The following PAPPA2 variants were observed in gnomAD, a reference collection of about 807,000 sequenced individuals.
PAPPA2 encodes pappalysin 2, also known as pappalysin-2.
Under a neutral mutation model 176.4 loss-of-function variants are expected in PAPPA2, and 86 were observed. The ratio of observed to expected loss-of-function variants is 0.49; its 90% confidence interval spans 0.41 to 0.58. The LOEUF is 0.58. Ranked by LOEUF, PAPPA2 falls within the 20% of genes least tolerant of loss-of-function variation. The pLI is 0.00. For synonymous variants in PAPPA2, 809 were observed against 852.2 expected, an observed-to-expected ratio of 0.95 and a Z score of 0.88; for missense variants, 2,073 against 2,256.9, an observed-to-expected ratio of 0.92 and a Z score of 1.65.
chr1:176,704,956 A>T (rs1660815546), intron 9 of PAPPA2, among the ~76,000 whole-genome samples: 1 of 152,156 alleles, frequency 6.6e-6, no homozygotes, highest in Admixed American at 6.5e-5. Flanking sequence ...CTTTCATTAC[A>T]GTTCTGTTGG....
At chr1:176,759,025 C>A (rs760120686) in intron 14 of PAPPA2, among the ~76,000 whole-genome samples, 1 of 152,216 alleles carries the variant, frequency 6.6e-6, no homozygotes, top group Non-Finnish European at 1.5e-5. Flanking sequence ...AAGACCAGAA[C>A]CCAAGTCATG....
At chr1:176,686,186 A>C (rs1390759113) in intron 4 of PAPPA2, among the ~76,000 whole-genome samples, 1 of 152,160 alleles carries the variant, frequency 6.6e-6, no homozygotes, top group Non-Finnish European at 1.5e-5. Flanking sequence ...GCTTTGAAGA[A>C]ATACCTGAGG....
chr1:176,494,592 G>A (rs757264102), intron 1 of PAPPA2, among the ~76,000 whole-genome samples: 32 of 152,120 alleles, frequency 2.1e-4, no homozygotes, highest in Non-Finnish European at 4.0e-4. Context: ...TCTTACTGAC[G>A]TCAATGCAAG....
At chr1:176,727,685 A>G (rs1571235531) in intron 12 of PAPPA2, among the ~76,000 whole-genome samples, 1 of 152,052 alleles carries the variant, frequency 6.6e-6, no homozygotes, top group East Asian at 1.9e-4. Context: ...CAGATATATA[A>G]GATTTGAAGA....
At chr1:176,747,159 C>T (rs540619464) in intron 14 of PAPPA2, among the ~76,000 whole-genome samples, 10 of 152,284 alleles carry the variant, frequency 6.6e-5, no homozygotes, top group Admixed American at 2.0e-4. Context: ...GAAATCCTGC[C>T]ACCCTCTCTC....
intron 14 of PAPPA2, among the ~76,000 whole-genome samples, chr1:176,764,202 A>C (rs1663829054): frequency 6.6e-6 from 1 of 152,168 alleles, no homozygotes; most frequent in South Asian, 2.1e-4. Context: ...CAATACTGCC[A>C]CATTGGGAAT....
At chr1:176,516,816 T>A (rs563323803) in intron 1 of PAPPA2, among the ~76,000 whole-genome samples, 2 of 152,204 alleles carry the variant, frequency 1.3e-5, no homozygotes, top group Non-Finnish European at 2.9e-5. Context: ...ACTAAGACAG[T>A]GGCCATGTGT....
At chr1:176,647,834 G>A (rs906314739) in intron 3 of PAPPA2, among the ~76,000 whole-genome samples, 18 of 151,390 alleles carry the variant, frequency 1.2e-4, no homozygotes, top group Non-Finnish European at 8.9e-5. Context: ...ATGCCATTTT[G>A]GCTGCTATAA....
In PAPPA2 at chr1:176,491,379, G is replaced by A. The variant is rs544701126; in HGVS notation, c.-917+27961G>A. On this transcript the variant is annotated intron_variant, in intron 1 of 22. Transcript: ENST00000367662. ...TGGGAGCTGTCTTCATAGATGAGGTGTGACATCTAGGCTGGGCTTGAACAT... is the reference window on the plus strand; with the variant it reads ...TGGGAGCTGTCTTCATAGATGAGGTATGACATCTAGGCTGGGCTTGAACAT... 5.9e-5 allele frequency among the ~76,000 whole-genome samples: 9 copies of A among 152,310 alleles called. No individual in the cohort carries two copies. The South Asian group carries it at 1.9e-3, about 32-fold the overall frequency.
Position 176,690,381 on chromosome 1 carries a change from C to T in PAPPA2, c.2382C>T (p.Gly794=). The part of the protein sequence containing the change: ...REPEPTSDTC[G]FTRFPGAPFT... The stretch of plus-strand genomic sequence containing the variant: ...CAGAGCCCACTAGTGACACCTGTGG[C>T]TTCACTCGCTTCCCAGGGGCTCCGT... The change falls in exon 5 of 23, where the codon GGC becomes GGT. Residue 794 remains glycine (G), a synonymous_variant. Transcript: ENST00000367662. 1 of 1,614,156 alleles carries T rather than the reference C, an allele frequency of 6.2e-7. No homozygotes were observed. The highest frequency in any genetic ancestry group is 8.5e-7 in the Non-Finnish European group (1 of 1,180,018).
At chr1:176,770,466 C>T (rs1027775842) in intron 16 of PAPPA2, among the ~76,000 whole-genome samples, 2 of 152,116 alleles carry the variant, frequency 1.3e-5, no homozygotes, top group Non-Finnish European at 2.9e-5. Context: ...CTTACTAGTT[C>T]GGGCAAGTTA....
chr1:176,755,701 C>T (rs966780919), intron 14 of PAPPA2, among the ~76,000 whole-genome samples: 1 of 152,092 alleles, frequency 6.6e-6, no homozygotes, highest in African/African-American at 2.4e-5. Context: ...AGGAGAAAAG[C>T]ATTTAGAGTT....
intron 14 of PAPPA2, among the ~76,000 whole-genome samples, chr1:176,764,158 A>G (rs575315109): frequency 6.6e-6 from 1 of 152,320 alleles, no homozygotes; most frequent in South Asian, 2.1e-4. Flanking sequence ...ATCCACCCTC[A>G]TGACCCAAAC....
At chr1:176,805,297 C>G (rs1420763124) in intron 21 of PAPPA2, among the ~76,000 whole-genome samples, 1 of 152,122 alleles carries the variant, frequency 6.6e-6, no homozygotes, top group Non-Finnish European at 1.5e-5. Flanking sequence ...TGATTAAAAT[C>G]CACCTAATTC....
chr1:176,574,035 G>A (rs960410972), intron 2 of PAPPA2, among the ~76,000 whole-genome samples: 1 of 151,990 alleles, frequency 6.6e-6, no homozygotes, highest in Non-Finnish European at 1.5e-5. Context: ...AGAGGATACC[G>A]TTGACATCTC....
chr1:176,584,488 G>A (rs1653182576), intron 2 of PAPPA2, among the ~76,000 whole-genome samples: 1 of 151,812 alleles, frequency 6.6e-6, no homozygotes, highest in African/African-American at 2.4e-5. Context: ...CATTTGCATG[G>A]AATATTGTTT....
chr1:176,508,417 A>T (rs561830464), intron 1 of PAPPA2, among the ~76,000 whole-genome samples: 4 of 152,358 alleles, frequency 2.6e-5, no homozygotes, highest in African/African-American at 9.6e-5. Context: ...TAAAAATGAC[A>T]TATAGAGAAA....
At position 176,692,301 on chromosome 1, in the gene PAPPA2, T is replaced by C. The variant is rs1265469032; in HGVS notation, c.2607T>C (p.Ser869=). 6.2e-7 allele frequency: 1 copy of C among 1,613,156 alleles called. No homozygotes were observed. Among genetic ancestry groups the C allele is most frequent in the Non-Finnish European group, 8.5e-7 (1 of 1,179,346 alleles). The change falls in exon 6 of 23, where the codon AGT becomes AGC. Residue 869 remains serine (S), a synonymous_variant. Coordinates refer to ENST00000367662, the MANE Select transcript of PAPPA2 (RefSeq NM_020318.3). The part of the protein sequence containing the change: ...SLTIHWLPPI[S]GVVYDRASGS... ...CTATCCACTGGCTGCCTCCTATTAG[T>C]GGAGTTGTATATGACAGGTGAGAGA...
intron 17 of PAPPA2, among the ~76,000 whole-genome samples, chr1:176,778,670 T>C (rs1444612078): frequency 6.6e-6 from 1 of 152,236 alleles, no homozygotes; most frequent in East Asian, 1.9e-4. Context: ...CATTAATGAA[T>C]AGGTGCTAAA....
Sources: allele counts gnomAD v4.1 joint callset (sites outside exome capture counted in the v4.1 genomes callset), GRCh38; gene constraint gnomAD v4.1.1; transcripts MANE v1.5; gene names NCBI Gene and HGNC (gene_info 2026-07-23, HGNC 2026-07-21).